Variants in EFHD1 observed in about 807,000 individuals in gnomAD.
EFHD1 encodes EF-hand domain-containing protein D1.
EFHD1 carries 10 observed loss-of-function variants against 17.2 expected under a neutral mutation model. The observed-to-expected ratio is 0.58, with a 90% CI of 0.36 to 0.99. EFHD1 has a LOEUF of 0.99. Ranked by LOEUF, EFHD1 falls within the 50% of genes least tolerant of loss-of-function variation. The pLI is 0.01. For missense variants in EFHD1, 310 were observed against 327.5 expected (o/e 0.95, Z 0.41); for synonymous variants, 153 against 142.0 (o/e 1.08, Z -0.55).
At chr2:232,668,923 C>T (rs2106215074) in intron 2 of EFHD1, among the ~76,000 whole-genome samples, 1 of 152,284 alleles carries the variant, frequency 6.6e-6, no homozygotes, top group South Asian at 2.1e-4. Context: ...TGTGAGCCAC[C>T]ACGCCCAGCC....
At chr2:232,636,083 T>C (rs1189028551) in intron 1 of EFHD1, among the ~76,000 whole-genome samples, 2 of 152,250 alleles carry the variant, frequency 1.3e-5, no homozygotes, top group Non-Finnish European at 2.9e-5. Context: ...CTCTCTGCGT[T>C]GTCCCCGTTC....
At chr2:232,659,499 G>A (rs1215793117) in intron 1 of EFHD1, among the ~76,000 whole-genome samples, 2 of 152,120 alleles carry the variant, frequency 1.3e-5, no homozygotes, top group African/African-American at 4.8e-5. Flanking sequence ...GTTGGCCACT[G>A]TGGCTGGAAG....
chr2:232,644,844 G>A (rs1694498517), intron 1 of EFHD1, among the ~76,000 whole-genome samples: 1 of 126,400 alleles, frequency 7.9e-6, no homozygotes, highest in South Asian at 2.6e-4. Flanking sequence ...GTTTCTCCAT[G>A]TTGGTCAGGC....
Position 232,675,877 on chromosome 2 carries a change from T to A in EFHD1, c.585+3434T>A, listed in dbSNP as rs1026885044. On this transcript the variant is annotated intron_variant, in intron 3 of 3. Transcript: ENST00000264059. ...GGAGGGGAGTTGATGATATTTTTCA[T>A]CAAGACCAGCCTCCCAGGCCAATTG... is the stretch of plus-strand genomic sequence containing the variant. 7.2e-5 allele frequency among the ~76,000 whole-genome samples: 11 copies of A among 152,014 alleles called. 1 individual carries two copies. Among genetic ancestry groups the A allele is most frequent in the South Asian group, 4.2e-4 (2 of 4,814 alleles).
intron 1 of EFHD1, among the ~76,000 whole-genome samples, chr2:232,623,599 G>A (rs576865570): frequency 1.1e-4 from 16 of 145,278 alleles, no homozygotes; most frequent in Non-Finnish European, 2.1e-4. Flanking sequence ...GCTTGAACCC[G>A]AGAGGCAGAG....
In EFHD1 at chr2:232,681,990, C is replaced by A; in HGVS notation, c.*271C>A. 2.5e-6 allele frequency: 1 copy of A among 407,994 alleles called. No individual in the cohort carries two copies. Among genetic ancestry groups the A allele is most frequent in the South Asian group, 4.2e-5 (1 of 23,818 alleles). 25.3% of individuals were successfully genotyped at this position (407,994 alleles called of 1,614,324 possible). A position where few individuals can be genotyped will look rare whatever the true frequency, so the allele number is the denominator to read the frequency against. On this transcript the variant is annotated 3_prime_UTR_variant, in exon 4 of 4. Transcript: ENST00000264059. ...CCAGAACTTGTATCTTCTCAGCAAC[C>A]TTCACTTTGTCCTTGTCCCTTTACC...
chr2:232,618,027 T>C (rs1300227687), intron 1 of EFHD1, among the ~76,000 whole-genome samples: 1 of 151,998 alleles, frequency 6.6e-6, no homozygotes, highest in Non-Finnish European at 1.5e-5. Context: ...ATTTAATTTA[T>C]TTATTTATTT....
At chr2:232,672,157 A>T in intron 2 of EFHD1, 152 bp from the exon 3 acceptor site, 1 of 1,031,550 alleles carries the variant, frequency 9.7e-7, no homozygotes. Flanking sequence ...TTCATTTTTG[A>T]CAATCTGATG....
At chr2:232,613,611 C>CAA (rs1693846642) in intron 1 of EFHD1, among the ~76,000 whole-genome samples, 1 of 95,054 alleles carries the variant, frequency 1.1e-5, no homozygotes, top group Admixed American at 9.8e-5. Flanking sequence ...ACCACACACA[C>CAA]ACACACACAC....
At chr2:232,637,905 T>C (rs1166159425) in intron 1 of EFHD1, among the ~76,000 whole-genome samples, 2 of 152,174 alleles carry the variant, frequency 1.3e-5, no homozygotes, top group Non-Finnish European at 2.9e-5. Flanking sequence ...CCTCTGAGTT[T>C]GTTGGGTGCT....
At chr2:232,636,856 C>T (rs1307167907) in intron 1 of EFHD1, among the ~76,000 whole-genome samples, 1 of 152,070 alleles carries the variant, frequency 6.6e-6, no homozygotes, top group Non-Finnish European at 1.5e-5. Context: ...TTTGTGTTGT[C>T]CTTTTTTGTT....
At chr2:232,636,347 C>T (rs562518318) in intron 1 of EFHD1, among the ~76,000 whole-genome samples, 1 of 152,292 alleles carries the variant, frequency 6.6e-6, no homozygotes, top group South Asian at 2.1e-4. Context: ...TATTTAAAAG[C>T]TCTGTGCCAT....
chr2:232,624,869 T>G (rs529163063), intron 1 of EFHD1, among the ~76,000 whole-genome samples: 1 of 152,272 alleles, frequency 6.6e-6, no homozygotes, highest in East Asian at 1.9e-4. Flanking sequence ...AATTCACTGT[T>G]AGACCCCCTC....
chr2:232,657,812 C>CA (rs111874089), intron 1 of EFHD1, among the ~76,000 whole-genome samples: 9,335 of 104,916 alleles, frequency 0.089, 1,077 homozygotes, highest in African/African-American at 0.28. Flanking sequence ...AACTCCATCT[C>CA]AAAAAAAAAA....
At chr2:232,641,616 T>G (rs193018474) in intron 1 of EFHD1, among the ~76,000 whole-genome samples, 37 of 152,214 alleles carry the variant, frequency 2.4e-4, no homozygotes, top group Non-Finnish European at 4.9e-4. Flanking sequence ...CATTGTGATA[T>G]GAAAGCAGCC....
At chr2:232,665,716 C>T (rs1341048692) in intron 2 of EFHD1, among the ~76,000 whole-genome samples, 1 of 152,234 alleles carries the variant, frequency 6.6e-6, no homozygotes, top group Non-Finnish European at 1.5e-5. Flanking sequence ...GCCACTGCAC[C>T]TGGCCTATTA....
intron 1 of EFHD1, among the ~76,000 whole-genome samples, chr2:232,624,924 C>T (rs1694081034): frequency 6.6e-6 from 1 of 152,124 alleles, no homozygotes; most frequent in African/African-American, 2.4e-5. Flanking sequence ...TCCATGATGC[C>T]CCTCCTGGTC....
intron 1 of EFHD1, among the ~76,000 whole-genome samples, chr2:232,622,540 G>C (rs1017331098): frequency 2.6e-5 from 4 of 152,202 alleles, no homozygotes; most frequent in Admixed American, 6.5e-5. Flanking sequence ...TTAGACCCCA[G>C]GTCTAGCATC....
chr2:232,638,331 G>T (rs73105455), intron 1 of EFHD1: 8,500 of 471,004 alleles, frequency 0.018, 578 homozygotes, highest in African/African-American at 0.15. Context: ...CATACTAAAA[G>T]CTTGTGTTTT....
Sources: gnomAD v4.1 joint callset for allele counts (sites outside exome capture counted in the v4.1 genomes callset) on GRCh38, gnomAD v4.1.1 for gene constraint, MANE v1.5 for transcripts, NCBI Gene and HGNC (gene_info 2026-07-23, HGNC 2026-07-21) for gene names.